Variants in ITSN1 observed in about 807,000 individuals in gnomAD.
ITSN1 encodes intersectin-1.
In ITSN1, 58 loss-of-function variants were observed where a neutral mutation model predicts 239.8. The observed-to-expected ratio is 0.24, with a 90% confidence interval of 0.20 to 0.30. ITSN1 has a LOEUF of 0.30. Among genes scored for constraint, ITSN1 ranks in the 10% least tolerant of loss-of-function variants. The probability of loss-of-function intolerance (pLI) is 1.00; values close to 1 mark genes in which losing one functional copy is unlikely to be tolerated. For synonymous variants in ITSN1, 780 were observed against 770.8 expected (o/e 1.01, Z -0.20); for missense variants, 1,558 against 2,103.3 (o/e 0.74, Z 5.07).
At chr21:33,795,022 T>C (rs1240332892) in intron 17 of ITSN1, among the ~76,000 whole-genome samples, 1 of 152,266 alleles carries the variant, frequency 6.6e-6, no homozygotes, top group Non-Finnish European at 1.5e-5. Flanking sequence ...CTTACTGTAG[T>C]AAATTGTAGA....
intron 1 of ITSN1, among the ~76,000 whole-genome samples, chr21:33,644,929 T>A (rs1474887477): frequency 1.3e-5 from 2 of 151,870 alleles, no homozygotes; most frequent in African/African-American, 2.4e-5. Flanking sequence ...TCCAGTGATC[T>A]TCCCACCCCA....
chr21:33,782,093 C>T lies in ITSN1; in HGVS notation c.1784C>T (p.Ser595Leu). 6.2e-7 allele frequency: 1 copy of T among 1,613,740 alleles called. No individual in the cohort carries two copies. The highest frequency in any genetic ancestry group is 1.1e-5 in the South Asian group (1 of 91,032). ...GATGAAGTGGAGAAAGAAACTAGAT[C>T]AAAACTACAGGAGATTGATATTTTC... ...QLDEVEKETR[S>L]KLQEIDIFNN... Residue 595 changes from serine (S) to leucine (L), a missense_variant, in exon 16 of 40, where the codon TCA becomes TTA. Transcript: ENST00000381318.
chr21:33,746,494 T>C (rs1386751182), intron 5 of ITSN1, among the ~76,000 whole-genome samples: 1 of 151,914 alleles, frequency 6.6e-6, no homozygotes, highest in Non-Finnish European at 1.5e-5. Context: ...CAATAGAAAT[T>C]ACAAAAAAGA....
chr21:33,865,823 G>A lies in ITSN1; in HGVS notation c.4074+489G>A, dbSNP rs1167695558. Among the ~76,000 whole-genome samples the A allele has an allele frequency of 2.6e-5, 4 of 152,084 alleles. No individual in the cohort carries two copies. Among genetic ancestry groups the A allele is most frequent in the Non-Finnish European group, 2.9e-5 (2 of 68,014 alleles). On this transcript the variant is annotated intron_variant, in intron 32 of 39. Transcript: ENST00000381318. This position sits in a 1 kb window ranked among gnomAD's most constrained non-coding sequence, Gnocchi z 4.4. ...CAGCCTGTGGGAGTCAGTGTGGGAT[G>A]CCAGGACCTCTTCCTTGGAGGTAGC...
intron 8 of ITSN1, among the ~76,000 whole-genome samples, chr21:33,757,744 G>A (rs1602051399): frequency 6.6e-6 from 1 of 152,218 alleles, no homozygotes; most frequent in East Asian, 1.9e-4. Context: ...AAAATATCAA[G>A]AAAGTTGAGA....
intron 29 of ITSN1, among the ~76,000 whole-genome samples, chr21:33,855,218 C>CA (rs1423304376): frequency 1.3e-5 from 2 of 152,122 alleles, no homozygotes; most frequent in East Asian, 1.9e-4. Context: ...ATTAGTGCGC[C>CA]AAAAAACAAT....
intron 6 of ITSN1, among the ~76,000 whole-genome samples, chr21:33,751,243 A>G (rs1452433020): frequency 6.6e-6 from 1 of 152,302 alleles, no homozygotes; most frequent in Non-Finnish European, 1.5e-5. Flanking sequence ...TGAGTCTTCT[A>G]TTCTTTTGTG....
chr21:33,695,597 TGAATAAA>T (rs2146727119), intron 1 of ITSN1, among the ~76,000 whole-genome samples: 6 of 152,370 alleles, frequency 3.9e-5, no homozygotes, highest in Non-Finnish European at 7.3e-5. Flanking sequence ...ACTGGAATTG[TGAATAAA>T]TTAGATTATA....
intron 1 of ITSN1, among the ~76,000 whole-genome samples, chr21:33,713,517 C>T (rs1371374785): frequency 2.2e-3 from 4 of 1,848 alleles, no homozygotes; most frequent in Non-Finnish European, 9.8e-4. Context: ...GCTGGGATTA[C>T]AGGCGTGAGC....
chr21:33,730,198 C>T (rs778183350), intron 4 of ITSN1, among the ~76,000 whole-genome samples: 4 of 151,924 alleles, frequency 2.6e-5, no homozygotes, highest in Non-Finnish European at 5.9e-5. Flanking sequence ...AAAAGGTGTG[C>T]TCAGACAAGG....
rs534582345 is a variant in ITSN1 at position 33,871,438 on chromosome 21, A to C, written c.4174-3916A>C. Among the ~76,000 whole-genome samples, 304 of 25,332 alleles carry C rather than the reference A, an allele frequency of 0.012. 1 individual carries two copies. The African/African-American group carries it at 0.2, about 17-fold the overall frequency. 16.6% of individuals were successfully genotyped at this position (25,332 alleles called of 152,430 possible). A position where few individuals can be genotyped will look rare whatever the true frequency, so the allele number is the denominator to read the frequency against. On this transcript the variant is annotated intron_variant, in intron 33 of 39. Transcript: ENST00000381318. ...GAGTGAAACTCTGTCTCAAAAAAAC[A>C]AAAAAAAAAACAAAAAACAAAAAGG...
chr21:33,779,453 G>A (rs531617528), intron 14 of ITSN1, among the ~76,000 whole-genome samples: 1 of 151,892 alleles, frequency 6.6e-6, no homozygotes, highest in Non-Finnish European at 1.5e-5. Flanking sequence ...TGAGATTTAT[G>A]GCTCAGCATA....
At chr21:33,808,091 G>T (rs1011427621) in intron 20 of ITSN1, among the ~76,000 whole-genome samples, 1 of 152,008 alleles carries the variant, frequency 6.6e-6, no homozygotes, top group Non-Finnish European at 1.5e-5. Context: ...GGAGGCTGAG[G>T]CAGGAGAATG....
intron 31 of ITSN1, among the ~76,000 whole-genome samples, chr21:33,860,805 T>C (rs1980374296): frequency 6.6e-6 from 1 of 152,196 alleles, no homozygotes; most frequent in Non-Finnish European, 1.5e-5. Context: ...CCCAAGTTTT[T>C]GTCTGGGCTC....
intron 4 of ITSN1, among the ~76,000 whole-genome samples, chr21:33,725,357 A>AACTCCTG (rs1489566131): frequency 6.6e-5 from 10 of 151,754 alleles, no homozygotes; most frequent in African/African-American, 2.4e-4. Context: ...GCTGGTCTCA[A>AACTCCTG]ACTCCTGACC....
chr21:33,770,329 C>T (rs1286574622), intron 11 of ITSN1, among the ~76,000 whole-genome samples: 1 of 152,072 alleles, frequency 6.6e-6, no homozygotes, highest in African/African-American at 2.4e-5. Flanking sequence ...TCCCAAAGTG[C>T]TGGGATTACA....
In ITSN1 at chr21:33,811,128, C is replaced by T; in HGVS notation, c.2473C>T (p.Pro825Ser). The change falls in exon 21 of 40, where the codon CCC (proline) becomes TCC (serine). Residue 825 changes from proline to serine, a missense_variant. Around this residue, in one of 2 missense-constraint regions of ITSN1, gnomAD observed 982 missense variants for 1,209.9 expected, o/e 0.81. Transcript: ENST00000381318. ...PVTDSTSAPA[P>S]KLALRETPAP... ...GACTGATTCAACATCTGCCCCTGCC[C>T]CCAAACTGGCCTTGCGTGAGACCCC... 1.9e-6 allele frequency: 3 copies of T among 1,613,958 alleles called. No individual in the cohort carries two copies. Among genetic ancestry groups the T allele is most frequent in the Non-Finnish European group, 2.5e-6 (3 of 1,180,010 alleles).
At chr21:33,816,961 C>T (rs1367807251) in intron 22 of ITSN1, among the ~76,000 whole-genome samples, 1 of 152,100 alleles carries the variant, frequency 6.6e-6, no homozygotes, top group Non-Finnish European at 1.5e-5. Flanking sequence ...TAGAGGTTAT[C>T]AACATAGATG....
In ITSN1 at chr21:33,728,480, G is replaced by A. The variant is rs1601872458; in HGVS notation, c.185+5829G>A. On this transcript the variant is annotated intron_variant, in intron 4 of 39. Transcript: ENST00000381318. ...CCTGACATTGTGATCCGCCTGCCTC[G>A]GCCTCCCAAAGTGCTGGGATTACAG... Among the ~76,000 whole-genome samples the A allele has an allele frequency of 2.6e-5, 4 of 152,188 alleles. No individual in the cohort carries two copies. The South Asian group carries it at 8.3e-4, about 32-fold the overall frequency.
Sources: allele counts gnomAD v4.1 joint callset (sites outside exome capture counted in the v4.1 genomes callset), GRCh38; gene constraint gnomAD v4.1.1; regional missense constraint gnomAD v4.1.1; non-coding constraint Gnocchi (gnomAD v3.1); transcripts MANE v1.5; gene names NCBI Gene and HGNC (gene_info 2026-07-23, HGNC 2026-07-21).